NOA1: variants seen among roughly 807,000 people sequenced by gnomAD.
NOA1 encodes nitric oxide associated 1.
A neutral mutation model predicts 58.4 loss-of-function variants in NOA1; 35 were observed. The observed-to-expected ratio is 0.60, with a 90% confidence interval of 0.46 to 0.79. NOA1 has a LOEUF of 0.79. Among genes scored for constraint, NOA1 ranks in the 30% least tolerant of loss-of-function variants. The probability of loss-of-function intolerance (pLI) is 0.00; values close to 1 mark genes in which losing one functional copy is unlikely to be tolerated. For missense variants in NOA1, 895 were observed against 894.6 expected (o/e 1.00, Z -0.01); for synonymous variants, 397 against 373.4 (o/e 1.06, Z -0.73).
At position 56,976,814 on chromosome 4, in the gene NOA1, G is replaced by C. The variant is rs1475293574; in HGVS notation, c.772C>G (p.Pro258Ala). The C allele has an allele frequency of 6.2e-7, 1 of 1,611,532 alleles. No individual in the cohort carries two copies. Among genetic ancestry groups the C allele is most frequent in the South Asian group, 1.1e-5 (1 of 91,012 alleles). ...TCCCGCAGCCTCTGCCGGTAGCCAG[G>C]AGCATCCTGGGGCAGGAGGTCCACT... is the stretch of plus-strand genomic sequence containing the variant. The part of the protein sequence containing the change: ...NKVDLLPQDA[P>A]GYRQRLRERL... Residue 258 changes from proline (P) to alanine (A), a missense_variant, in exon 1 of 7, where the codon CCT becomes GCT. Coordinates refer to ENST00000264230, the MANE Select transcript of NOA1 (RefSeq NM_032313.4).
intron 3 of NOA1, among the ~76,000 whole-genome samples, chr4:56,972,430 G>T (rs1578540737): frequency 6.6e-6 from 1 of 152,164 alleles, no homozygotes; most frequent in Non-Finnish European, 1.5e-5. Flanking sequence ...GAGATGGGAC[G>T]TTACATTTTA....
In NOA1 at chr4:56,976,962, C is replaced by G. The variant is rs1284830685; in HGVS notation, c.624G>C (p.Ala208=). The G allele has an allele frequency of 1.0e-5, 16 of 1,601,090 alleles. No homozygotes were observed. The highest frequency in any genetic ancestry group is 1.4e-5 in the Non-Finnish European group (16 of 1,176,790). ...REQYLELVSA[A]LRRPGPSLVL... ...CCAGGGAGGGGCCGGGCCGCCGCAA[C>G]GCGGCGCTCACCAGCTCCAGGTACT... is the stretch of plus-strand genomic sequence containing the variant. Residue 208 remains alanine (A), a synonymous_variant, in exon 1 of 7, where the codon GCG becomes GCC. Transcript: ENST00000264230.
At chr4:56,975,865 G>A (rs1393879114) in intron 1 of NOA1, among the ~76,000 whole-genome samples, 1 of 151,816 alleles carries the variant, frequency 6.6e-6, no homozygotes, top group Non-Finnish European at 1.5e-5. Flanking sequence ...ACAAGACTCC[G>A]TCTCAAAAAA....
rs770924191 is a variant in NOA1 at position 56,963,522 on chromosome 4, C to T, written c.2025G>A (p.Val675=). The T allele has an allele frequency of 4.3e-6, 7 of 1,613,770 alleles. No homozygotes were observed. In the Admixed American group the frequency reaches 1.0e-4, roughly 23 times the overall value. The change falls in exon 7 of 7, where the codon GTG becomes GTA. Residue 675 remains valine (V), a synonymous_variant. Coordinates refer to ENST00000264230, the MANE Select transcript of NOA1 (RefSeq NM_032313.4). ...NIKGQRIKKS[V]AYKTKKPPSL... is the part of the protein sequence containing the mutation. The stretch of plus-strand genomic sequence containing the variant: ...AAGGAGGCTTCTTGGTTTTATAGGC[C>T]ACACTTTTCTTGATGCGCTGTCCTT...
chr4:56,973,261 T>C lies in NOA1; in HGVS notation c.1402A>G (p.Asn468Asp). The C allele has an allele frequency of 6.2e-7, 1 of 1,614,098 alleles. No individual in the cohort carries two copies. The highest frequency in any genetic ancestry group is 1.3e-5 in the African/African-American group (1 of 75,022). ...TTGTGTGTACCCATAACAGGGTCAT[T>C]TTCCATGTCAAAGGCAAGTGAATCA... is the stretch of plus-strand genomic sequence containing the variant. Reference protein sequence around the residue: ...DADSLAFDMENDPVMGTHKST... With the variant: ...DADSLAFDMEDDPVMGTHKST... The change falls in exon 3 of 7, where the codon AAT (asparagine) becomes GAT (aspartate). Residue 468 changes from asparagine to aspartate, a missense_variant. Coordinates refer to ENST00000264230, the MANE Select transcript of NOA1 (RefSeq NM_032313.4).
In NOA1 at chr4:56,977,285, C is replaced by T. The variant is rs746723982; in HGVS notation, c.301G>A (p.Glu101Lys). ...CGCCGCTGCTGCCTCTGTCGCTCCT[C>T]CTCCTCCTGCTGTTGCTGGAGCTCC... ...LQELQQQQEE[E>K]ERQRQQRREE... is the part of the protein sequence containing the mutation. Residue 101 changes from glutamate to lysine, a missense_variant, in exon 1 of 7, where the codon GAG (glutamate) becomes AAG (lysine). Glu to Lys is a moderately conservative substitution (Grantham distance 56, BLOSUM62 1). Coordinates refer to ENST00000264230, the MANE Select transcript of NOA1 (RefSeq NM_032313.4). 6.2e-7 allele frequency: 1 copy of T among 1,613,892 alleles called. No homozygotes were observed. Among genetic ancestry groups the T allele is most frequent in the South Asian group, 1.1e-5 (1 of 91,064 alleles).
chr4:56,976,475 C>T lies in NOA1; in HGVS notation c.1111G>A (p.Ala371Thr). 6.2e-7 allele frequency: 1 copy of T among 1,614,050 alleles called. No individual in the cohort carries two copies. The change falls in exon 1 of 7, where the codon GCC becomes ACC. Residue 371 changes from alanine (A) to threonine (T), a missense_variant. Ala to Thr is a moderately conservative substitution (Grantham distance 58). This residue lies in a region of NOA1 where 680 missense variants were observed against 656.5 expected (regional missense o/e 1.04). Transcript: ENST00000264230. ...GGGGAGATGGTGGCTCTGTCGATGGCCTCGGAGCCCTTGGCAGTGCAGTAA... is the reference window on the plus strand; with the variant it reads ...GGGGAGATGGTGGCTCTGTCGATGGTCTCGGAGCCCTTGGCAGTGCAGTAA... ...SDYCTAKGSE[A>T]IDRATISPWP...
At chr4:56,970,550 T>G (rs771672748) in intron 3 of NOA1, among the ~76,000 whole-genome samples, 11 of 151,740 alleles carry the variant, frequency 7.2e-5, no homozygotes, top group Non-Finnish European at 1.5e-4. Flanking sequence ...TGCCTCCCAA[T>G]AAGTGTATCA....
intron 1 of NOA1, 65 bp from the exon 2 acceptor site, chr4:56,974,087 T>TTAATGATACGGCGTCCACC: frequency 5.7e-6 from 6 of 1,060,812 alleles, no homozygotes; most frequent in South Asian, 5.3e-5. Flanking sequence ...TGAACATTTT[T>TTAATGATACGGCGTCCACC]GAGGATCTAC....
Position 56,976,503 on chromosome 4 carries a change from G to A in NOA1, c.1083C>T (p.Ser361=). The A allele has an allele frequency of 6.2e-7, 1 of 1,614,202 alleles. No individual in the cohort carries two copies. Among genetic ancestry groups the A allele is most frequent in the Middle Eastern group, 1.6e-4 (1 of 6,062 alleles). ...CGGAGCCCTTGGCAGTGCAGTAATC[G>A]GACTCCAGGAGCGTGTTAAAGAGAG... is the stretch of plus-strand genomic sequence containing the variant. The part of the protein sequence containing the change: ...KSTLFNTLLE[S]DYCTAKGSEA... Residue 361 remains serine, a synonymous_variant, in exon 1 of 7, where the codon TCC becomes TCT. Transcript: ENST00000264230.
intron 4 of NOA1, among the ~76,000 whole-genome samples, chr4:56,967,392 C>G (rs1213752086): frequency 7.7e-6 from 1 of 130,184 alleles, no homozygotes; most frequent in Non-Finnish European, 1.7e-5. Flanking sequence ...AAAAAAAAAA[C>G]AAAAAAACAA....
At position 56,973,295 on chromosome 4, in the gene NOA1, C is replaced by T. The variant is rs1721842565; in HGVS notation, c.1368G>A (p.Glu456=). The part of the protein sequence containing the change: ...SEEQKDNIPF[E]FDADSLAFDM... The stretch of plus-strand genomic sequence containing the variant: ...CAAAGGCAAGTGAATCAGCATCAAA[C>T]TCAAAGGGAATGTTATCCTTCTGTT... The change falls in exon 3 of 7, where the codon GAG becomes GAA. Residue 456 remains glutamate (E), a synonymous_variant. Coordinates refer to ENST00000264230, the MANE Select transcript of NOA1 (RefSeq NM_032313.4). 5 of 1,614,092 alleles carry T rather than the reference C, an allele frequency of 3.1e-6. No individual in the cohort carries two copies. Among genetic ancestry groups the T allele is most frequent in the African/African-American group, 1.3e-5 (1 of 75,010 alleles).
chr4:56,973,027 A>G lies in NOA1; in HGVS notation c.1515+121T>C, dbSNP rs1721833980. 5 of 834,386 alleles carry G rather than the reference A, an allele frequency of 6.0e-6. No individual in the cohort carries two copies. The Admixed American group carries it at 9.7e-5, about 16-fold the overall frequency. The allele number at this position is 834,386 out of a possible 1,614,324, so 51.7% of individuals were successfully genotyped here. A position where few individuals can be genotyped will look rare whatever the true frequency, so the allele number is the denominator to read the frequency against. ...ATTTAGCTGGCTCTACATGCATTACACTCTTTCTCTATTGCAATTCCCCTG... is the reference window on the plus strand; with the variant it reads ...ATTTAGCTGGCTCTACATGCATTACGCTCTTTCTCTATTGCAATTCCCCTG... On this transcript the variant is annotated intron_variant, in intron 3 of 6. Coordinates refer to ENST00000264230, the MANE Select transcript of NOA1 (RefSeq NM_032313.4).
intron 6 of NOA1, 58 bp from the exon 7 acceptor site, chr4:56,963,719 C>A: frequency 7.6e-7 from 1 of 1,317,418 alleles, no homozygotes; most frequent in Non-Finnish European, 1.1e-6. Flanking sequence ...ATTAAAAATA[C>A]CAAACCAAAG....
At chr4:56,972,976 G>A (rs978823029) in intron 3 of NOA1, among the ~76,000 whole-genome samples, 172 bp downstream of exon 3, 6 of 152,184 alleles carry the variant, frequency 3.9e-5, no homozygotes, top group African/African-American at 1.4e-4. Context: ...AGGCTGATAT[G>A]ACTAGTAATA....
At position 56,963,529 on chromosome 4, in the gene NOA1, T is replaced by C. The variant is rs775802734; in HGVS notation, c.2018A>G (p.Lys673Arg). The C allele has an allele frequency of 1.9e-6, 3 of 1,614,124 alleles. No homozygotes were observed. The highest frequency in any genetic ancestry group is 2.5e-6 in the Non-Finnish European group (3 of 1,180,028). ...CTTCTTGGTTTTATAGGCCACACTTTTCTTGATGCGCTGTCCTTTGATGTT... is the reference window on the plus strand; with the variant it reads ...CTTCTTGGTTTTATAGGCCACACTTCTCTTGATGCGCTGTCCTTTGATGTT... ...IVNIKGQRIK[K>R]SVAYKTKKPP... is the part of the protein sequence containing the mutation. Residue 673 changes from lysine to arginine, a missense_variant, in exon 7 of 7, where the codon AAA becomes AGA. Around this residue, in one of 3 missense-constraint regions of NOA1, gnomAD observed 212 missense variants for 221.3 expected, o/e 0.96. Coordinates refer to ENST00000264230, the MANE Select transcript of NOA1 (RefSeq NM_032313.4).
chr4:56,967,361 C>T (rs1421539978), intron 4 of NOA1, among the ~76,000 whole-genome samples: 3 of 147,144 alleles, frequency 2.0e-5, no homozygotes, highest in African/African-American at 7.5e-5. Context: ...GTCTGGGCAA[C>T]AGAGAGAGAT....
rs769243502 is a variant in NOA1, at chr4:56,973,937, A to C, written c.1230T>G (p.Asp410Glu). The C allele has an allele frequency of 6.2e-7, 1 of 1,614,100 alleles. No individual in the cohort carries two copies. The highest frequency in any genetic ancestry group is 1.1e-5 in the South Asian group (1 of 91,082). The change falls in exon 2 of 7, where the codon GAT becomes GAG. Residue 410 changes from aspartate to glutamate, a missense_variant. Asp to Glu is a conservative substitution (Grantham distance 45). Coordinates refer to ENST00000264230, the MANE Select transcript of NOA1 (RefSeq NM_032313.4). ...MFKRHQRLKKDSTQAEEDLSE... is the reference protein window; with the variant it reads ...MFKRHQRLKKESTQAEEDLSE... ...TAAGATCTTCTTCAGCTTGAGTTGA[A>C]TCTTTTTTAAGTCTTTGATGCCTTT... is the stretch of plus-strand genomic sequence containing the variant.
chr4:56,968,768 T>G (rs1263829891), intron 3 of NOA1, among the ~76,000 whole-genome samples: 42 of 152,202 alleles, frequency 2.8e-4, no homozygotes, highest in Non-Finnish European at 5.9e-5. Flanking sequence ...GTATGAGACT[T>G]TCCTATGTCA....
Sources: gnomAD v4.1 joint callset for allele counts (sites outside exome capture counted in the v4.1 genomes callset) on GRCh38, gnomAD v4.1.1 for gene constraint, gnomAD v4.1.1 regional missense constraint, MANE v1.5 for transcripts, NCBI Gene and HGNC (gene_info 2026-07-23, HGNC 2026-07-21) for gene names.